SENP7: variants seen among roughly 807,000 people sequenced by gnomAD.
SENP7 encodes SUMO specific peptidase 7.
SENP7 carries 64 observed loss-of-function variants against 141.2 expected under a neutral mutation model. The ratio of observed to expected loss-of-function variants is 0.45; its 90% CI spans 0.37 to 0.56. SENP7 has a LOEUF of 0.56. Among genes scored for constraint, SENP7 ranks in the 20% least tolerant of loss-of-function variants. The pLI is 0.00. For missense variants in SENP7, 1,025 were observed against 1,212.2 expected (o/e 0.85, Z 2.29); for synonymous variants, 382 against 426.4 (o/e 0.90, Z 1.28).
intron 11 of SENP7, among the ~76,000 whole-genome samples, chr3:101,356,529 C>T (rs551130252): frequency 4.3e-4 from 66 of 152,206 alleles, no homozygotes; most frequent in African/African-American, 1.6e-3. Flanking sequence ...AATAATTTAA[C>T]AACTTTAGTT....
intron 4 of SENP7, among the ~76,000 whole-genome samples, chr3:101,455,551 G>A (rs926890660): frequency 2.6e-5 from 4 of 151,898 alleles, no homozygotes; most frequent in African/African-American, 7.3e-5. Context: ...AAAAAAATAC[G>A]CTACAAGAGA....
intron 4 of SENP7, among the ~76,000 whole-genome samples, chr3:101,427,397 C>T (rs766234261): frequency 1.3e-5 from 2 of 149,196 alleles, no homozygotes; most frequent in Non-Finnish European, 3.0e-5. Context: ...AGCTAAAGCA[C>T]GAGAATTGCT....
At chr3:101,494,971 T>A (rs771299300) in intron 2 of SENP7, among the ~76,000 whole-genome samples, 12 of 152,160 alleles carry the variant, frequency 7.9e-5, no homozygotes, top group African/African-American at 1.4e-4. Flanking sequence ...AAGGAACTTC[T>A]GCACAGCAAA....
chr3:101,386,008 T>C (rs1003252303), intron 6 of SENP7, among the ~76,000 whole-genome samples: 3 of 152,038 alleles, frequency 2.0e-5, no homozygotes, highest in Non-Finnish European at 1.5e-5. Context: ...ATAATCCTCT[T>C]AAAGAACGTC....
intron 6 of SENP7, among the ~76,000 whole-genome samples, chr3:101,374,250 A>G (rs1220608725): frequency 6.6e-6 from 1 of 152,194 alleles, no homozygotes; most frequent in Non-Finnish European, 1.5e-5. Flanking sequence ...TAGGATAGTC[A>G]TATGCAAAAG....
At chr3:101,509,987 A>C (rs1014467565) in intron 1 of SENP7, among the ~76,000 whole-genome samples, 1 of 152,204 alleles carries the variant, frequency 6.6e-6, no homozygotes, top group Non-Finnish European at 1.5e-5. Context: ...CGTTATCCTT[A>C]ACTACAAATG....
intron 4 of SENP7, among the ~76,000 whole-genome samples, chr3:101,443,474 C>A: frequency 6.6e-6 from 1 of 151,262 alleles, no homozygotes; most frequent in Non-Finnish European, 1.5e-5. Context: ...TAGTTTTTTC[C>A]AATTCTGTGA....
At chr3:101,407,044 A>G (rs2061327299) in intron 5 of SENP7, among the ~76,000 whole-genome samples, 1 of 152,198 alleles carries the variant, frequency 6.6e-6, no homozygotes. Flanking sequence ...ATTACCAAGC[A>G]CTAAAAGAAC....
chr3:101,510,936 G>A (rs536934202), intron 1 of SENP7, among the ~76,000 whole-genome samples: 2 of 151,058 alleles, frequency 1.3e-5, no homozygotes, highest in African/African-American at 2.4e-5. Flanking sequence ...ACCACTACAC[G>A]GAATCTTTCA....
chr3:101,332,147 G>C (rs776558525), intron 18 of SENP7, 38 bp from the exon 19 acceptor site: 2 of 1,593,910 alleles, frequency 1.3e-6, no homozygotes, highest in South Asian at 2.2e-5. Context: ...ACCATGCAAA[G>C]TCTAAACAAC....
chr3:101,384,479 G>T (rs2060595369), intron 6 of SENP7, among the ~76,000 whole-genome samples: 1 of 152,188 alleles, frequency 6.6e-6, no homozygotes, highest in Admixed American at 6.5e-5. Context: ...CAAGCTTCTG[G>T]GCACCACCTC....
chr3:101,326,771 C>G (rs2058911067), intron 23 of SENP7, among the ~76,000 whole-genome samples: 1 of 152,108 alleles, frequency 6.6e-6, no homozygotes, highest in Non-Finnish European at 1.5e-5. Flanking sequence ...AAAATACTGT[C>G]TCTGCCCTAT....
intron 5 of SENP7, chr3:101,414,581 T>C: frequency 6.2e-7 from 1 of 1,605,488 alleles, no homozygotes; most frequent in Non-Finnish European, 8.5e-7. Context: ...ATGCACCTCA[T>C]CCCAACTATG....
At chr3:101,509,931 G>A (rs1218199903) in intron 1 of SENP7, among the ~76,000 whole-genome samples, 1 of 152,188 alleles carries the variant, frequency 6.6e-6, no homozygotes, top group East Asian at 1.9e-4. Flanking sequence ...TGAAGTTTGT[G>A]AAGTTCTTAG....
chr3:101,344,604 C>T (rs1185129595), intron 13 of SENP7, among the ~76,000 whole-genome samples: 1 of 152,116 alleles, frequency 6.6e-6, no homozygotes, highest in East Asian at 1.9e-4. Context: ...TAGTTCTAAA[C>T]CCAACTCCTT....
chr3:101,438,197 GAATA>G (rs1576347748), intron 4 of SENP7, among the ~76,000 whole-genome samples: 1 of 152,080 alleles, frequency 6.6e-6, no homozygotes, highest in East Asian at 1.9e-4. Flanking sequence ...GCCCACAGAT[GAATA>G]AATATAGAAA....
At chr3:101,470,379 C>T (rs1661579686) in intron 3 of SENP7, among the ~76,000 whole-genome samples, 1 of 152,080 alleles carries the variant, frequency 6.6e-6, no homozygotes, top group Non-Finnish European at 1.5e-5. Context: ...TAATGCATCA[C>T]GTAAACAGAA....
At chr3:101,420,649 G>A (rs568118989) in intron 4 of SENP7, among the ~76,000 whole-genome samples, 6 of 152,286 alleles carry the variant, frequency 3.9e-5, no homozygotes, top group African/African-American at 1.4e-4. Flanking sequence ...TCAAACATAG[G>A]AGTACTAAGA....
At chr3:101,468,100 G>A (rs1265568018) in intron 3 of SENP7, among the ~76,000 whole-genome samples, 1 of 152,148 alleles carries the variant, frequency 6.6e-6, no homozygotes, top group African/African-American at 2.4e-5. Flanking sequence ...GTGGAAGAAA[G>A]GGTATCAGTG....
Sources: allele counts gnomAD v4.1 joint callset (sites outside exome capture counted in the v4.1 genomes callset), GRCh38; gene constraint gnomAD v4.1.1; transcripts MANE v1.5; gene names NCBI Gene and HGNC (gene_info 2026-07-23, HGNC 2026-07-21).